The following HOMER2 variants were observed in gnomAD, a reference collection of about 807,000 sequenced individuals.
The protein encoded by HOMER2 is homer protein homolog 2.
In HOMER2, 27 loss-of-function variants were observed where a neutral mutation model predicts 47.0. The ratio of observed to expected loss-of-function variants is 0.57; its 90% CI spans 0.42 to 0.79. The LOEUF is 0.79. Ranked by LOEUF, HOMER2 falls within the 30% of genes least tolerant of loss-of-function variation. HOMER2 has a pLI of 0.00. For missense variants in HOMER2, 443 were observed against 435.0 expected (o/e 1.02, Z -0.16); for synonymous variants, 161 against 163.8 (o/e 0.98, Z 0.13).
At chr15:82,893,076 T>C (rs770588944) in intron 1 of HOMER2, among the ~76,000 whole-genome samples, 1 of 152,194 alleles carries the variant, frequency 6.6e-6, no homozygotes, top group African/African-American at 2.4e-5. Context: ...GCAATTGGTG[T>C]AATGAACAAT....
intron 1 of HOMER2, among the ~76,000 whole-genome samples, chr15:82,945,704 C>T (rs1254057022): frequency 2.6e-5 from 4 of 152,176 alleles, no homozygotes; most frequent in East Asian, 1.9e-4. Flanking sequence ...GGCGCGGTGG[C>T]TGACGCCTGT....
At chr15:82,928,864 C>T (rs1414952683) in intron 1 of HOMER2, among the ~76,000 whole-genome samples, 1 of 146,978 alleles carries the variant, frequency 6.8e-6, no homozygotes, top group African/African-American at 2.5e-5. Context: ...ACATTCCCAA[C>T]AGATGAATCC....
At chr15:82,957,563 G>A (rs1490719381), upstream of HOMER2, among the ~76,000 whole-genome samples, 1 of 152,146 alleles carries the variant, frequency 6.6e-6, no homozygotes, top group Non-Finnish European at 1.5e-5. Flanking sequence ...TTGCCAATCT[G>A]TATCCAGAGC....
intron 1 of HOMER2, among the ~76,000 whole-genome samples, chr15:82,915,942 A>G (rs1022108747): frequency 2.6e-5 from 4 of 152,204 alleles, no homozygotes. Flanking sequence ...ATAAGTAAAT[A>G]TTTGCTCACA....
chr15:82,967,677 C>T (rs540677504), intron 1 of HOMER2, among the ~76,000 whole-genome samples: 21 of 152,176 alleles, frequency 1.4e-4, no homozygotes, highest in African/African-American at 4.6e-4. Context: ...AGTTCGAGAC[C>T]AGCCTGGCCA....
chr15:82,973,084 G>A (rs1303992124), intron 1 of HOMER2, among the ~76,000 whole-genome samples: 1 of 152,160 alleles, frequency 6.6e-6, no homozygotes, highest in African/African-American at 2.4e-5. Flanking sequence ...CTGTGTCCAG[G>A]TTGTCTCTTG....
At chr15:82,927,730 G>A (rs2151187189) in intron 1 of HOMER2, among the ~76,000 whole-genome samples, 1 of 152,198 alleles carries the variant, frequency 6.6e-6, no homozygotes, top group East Asian at 1.9e-4. Context: ...CAGCACTTTG[G>A]GAGGCCAAGG....
intron 1 of HOMER2, chr15:82,952,014 G>T (rs963573184): frequency 1.2e-5 from 12 of 981,166 alleles, no homozygotes; most frequent in Non-Finnish European, 1.5e-5. Flanking sequence ...CCTCACCTAG[G>T]TTCCTTATAG....
At chr15:82,977,601 G>T (rs1423566282) in intron 1 of HOMER2, among the ~76,000 whole-genome samples, 2 of 152,178 alleles carry the variant, frequency 1.3e-5, no homozygotes, top group Non-Finnish European at 2.9e-5. Flanking sequence ...TCTCTTCACT[G>T]CCTGATGTGT....
chr15:82,843,474 A>G (rs2051198978), exon 2 of HOMER2: 1 of 118,432 alleles, frequency 8.4e-6, no homozygotes, highest in African/African-American at 3.3e-5. Flanking sequence ...AAAAAAAAAG[A>G]ATTGGAAAGA....
chr15:82,898,118 C>A (rs1238134764), intron 1 of HOMER2, among the ~76,000 whole-genome samples: 9 of 152,214 alleles, frequency 5.9e-5, no homozygotes, highest in Non-Finnish European at 1.2e-4. Flanking sequence ...AGGATCACTT[C>A]AGGCAAACTG....
chr15:82,930,734 C>G (rs1267428287), intron 1 of HOMER2, among the ~76,000 whole-genome samples: 1 of 152,170 alleles, frequency 6.6e-6, no homozygotes, highest in East Asian at 1.9e-4. Flanking sequence ...CAGCAGAAAA[C>G]TTGCATTCTG....
At chr15:82,844,552 T>C (rs1311835727), downstream of HOMER2, 2 of 152,110 alleles carry the variant, frequency 1.3e-5, no homozygotes, top group Admixed American at 1.3e-4. Flanking sequence ...CACAGATGCA[T>C]AGAAAAAAGT....
chr15:82,868,541 A>ATATATTTTTT lies in HOMER2; in HGVS notation c.295-4283_295-4282insAAAAAATATA. On this transcript the variant is annotated intron_variant, in intron 3 of 8. Transcript: ENST00000450735. ...ATTTATTTTATATATATATATATAT[A>ATATATTTTTT]TTTTTTTTTTTTTTTTTCCCCTTTT... Among the ~76,000 whole-genome samples, 74 of 71,266 alleles carry ATATATTTTTT rather than the reference A, an allele frequency of 1.0e-3. 2 individuals carry two copies. Among genetic ancestry groups the ATATATTTTTT allele is most frequent in the Non-Finnish European group, 1.8e-3 (62 of 35,400 alleles). The allele number at this position is 71,266 out of a possible 152,430, so 46.8% of individuals were successfully genotyped here.
rs183617984 is a variant in HOMER2, at chr15:82,854,742, G to A, written c.553C>T (p.Arg185Trp). Residue 185 changes from arginine to tryptophan, a missense_variant, in exon 6 of 9, where the codon CGG becomes TGG. By Grantham distance (101) the Arg-to-Trp change is moderately radical (BLOSUM62 -3). Transcript: ENST00000450735. ...GACTCCTGCAGTGCTGTGGTCAGCC[G>A]TGCATTGCTCTCCCGAAGGGTCTGC... Reference protein sequence around the residue: ...ELQTLRESNARLTTALQESAA... With the variant: ...ELQTLRESNAWLTTALQESAA... 31 of 1,612,352 alleles carry A rather than the reference G, an allele frequency of 1.9e-5. No individual in the cohort carries two copies. The highest frequency in any genetic ancestry group is 4.5e-5 in the East Asian group (2 of 44,886).
chr15:82,963,198 C>T (rs772202795), intron 1 of HOMER2, among the ~76,000 whole-genome samples: 3 of 152,176 alleles, frequency 2.0e-5, no homozygotes, highest in Non-Finnish European at 2.9e-5. Flanking sequence ...AATCCTCCTG[C>T]CTTAGCCTCC....
intron 1 of HOMER2, among the ~76,000 whole-genome samples, chr15:82,924,537 C>T (rs566204805): frequency 3.3e-5 from 5 of 152,246 alleles, no homozygotes; most frequent in Admixed American, 3.3e-4. Flanking sequence ...TTTCCATGCA[C>T]ATTTACATCT....
downstream of HOMER2, chr15:82,835,768 CATCAGGTCCAGATCCCAGA>C (rs1024169511): frequency 2.0e-5 from 3 of 152,358 alleles, no homozygotes; most frequent in Admixed American, 6.5e-5. Context: ...ACTCGCTGGG[CATCAGGTCCAGATCCCAGA>C]GACAGGTCCA....
chr15:82,965,168 C>T (rs1596386650), intron 1 of HOMER2, among the ~76,000 whole-genome samples: 1 of 152,072 alleles, frequency 6.6e-6, no homozygotes, highest in East Asian at 1.9e-4. Context: ...TACAGGCACA[C>T]ACCACTACAC....
Sources: gnomAD v4.1 joint callset for allele counts (sites outside exome capture counted in the v4.1 genomes callset) on GRCh38, gnomAD v4.1.1 for gene constraint, MANE v1.5 for transcripts, NCBI Gene and HGNC (gene_info 2026-07-23, HGNC 2026-07-21) for gene names.